The following QSOX1 variants were observed in gnomAD, a reference collection of about 807,000 sequenced individuals.
QSOX1 encodes the protein sulfhydryl oxidase 1.
A neutral mutation model predicts 76.1 loss-of-function variants in QSOX1; 40 were observed. The observed-to-expected ratio is 0.53, with a 90% CI of 0.41 to 0.68. The LOEUF (loss-of-function observed/expected upper bound fraction) is 0.68, where lower values mean the gene tolerates loss of function less well. QSOX1 is among the 30% of genes least tolerant of loss of function. The pLI, the probability that QSOX1 is intolerant of heterozygous loss-of-function variation, is 0.00. For synonymous variants in QSOX1, 392 were observed against 413.1 expected, an observed-to-expected ratio of 0.95 and a Z score of 0.62; for missense variants, 931 against 974.3, an observed-to-expected ratio of 0.96 and a Z score of 0.59.
intron 2 of QSOX1, among the ~76,000 whole-genome samples, chr1:180,170,708 C>T (rs1057360821): frequency 7.2e-5 from 11 of 152,206 alleles, no homozygotes; most frequent in Non-Finnish European, 1.5e-4. Context: ...GCAGGGCACA[C>T]GCCCCAGTGG....
chr1:180,182,879 C>T (rs976373475), intron 6 of QSOX1, among the ~76,000 whole-genome samples: 11 of 152,226 alleles, frequency 7.2e-5, no homozygotes, highest in Non-Finnish European at 1.6e-4. Context: ...CCAGGCCCCG[C>T]AGGCAGGAGC....
Position 180,196,856 on chromosome 1 carries a change from C to A in QSOX1, c.2063C>A (p.Ala688Asp). The A allele has an allele frequency of 6.2e-7, 1 of 1,604,422 alleles. No individual in the cohort carries two copies. The highest frequency in any genetic ancestry group is 8.5e-7 in the Non-Finnish European group (1 of 1,173,838). The change falls in exon 12 of 12, where the codon GCC becomes GAC. Residue 688 changes from alanine (A) to aspartate (D), a missense_variant. Physicochemically the swap from Ala to Asp is moderately radical, Grantham distance 126. Transcript: ENST00000367602. The surrounding 1 kb of genome is among the most constrained non-coding windows in gnomAD (Gnocchi z 4.1). ...LVDIPEGQLE[A>D]RAGRGRGQWL... is the part of the protein sequence containing the mutation. ...GACATCCCTGAGGGCCAGCTGGAGG[C>A]CCGAGCTGGACGGGGCCGAGGCCAG...
In QSOX1 at chr1:180,190,428, C is replaced by T. The variant is rs370853516; in HGVS notation, c.1141-5C>T. On this transcript the variant is annotated splice_region_variant and splice_polypyrimidine_tract_variant and intron_variant, in intron 9 of 11. Transcript: ENST00000367602. ...TATGTGCACTCACACTCATGTGTCC[C>T]TCAGGGTGCCGTTCTTGCCAAGAAG... The T allele has an allele frequency of 1.4e-5, 23 of 1,612,198 alleles. No individual in the cohort carries two copies. Among genetic ancestry groups the T allele is most frequent in the Non-Finnish European group, 2.0e-5 (23 of 1,178,366 alleles).
intron 4 of QSOX1, among the ~76,000 whole-genome samples, chr1:180,177,073 C>G (rs1172996824): frequency 6.6e-6 from 1 of 152,168 alleles, no homozygotes; most frequent in African/African-American, 2.4e-5. Context: ...GACCCTGTCT[C>G]TCCAGAAAAC....
chr1:180,187,240 G>A (rs1241255704), intron 8 of QSOX1, among the ~76,000 whole-genome samples: 1 of 152,216 alleles, frequency 6.6e-6, no homozygotes, highest in East Asian at 1.9e-4. Flanking sequence ...TCAGCCTAAG[G>A]CAGGACAGTC....
At chr1:180,176,164 A>C in intron 4 of QSOX1, 131 bp downstream of exon 4, 1 of 712,016 alleles carries the variant, frequency 1.4e-6, no homozygotes, top group South Asian at 1.8e-5. Context: ...TGGGGCTCAC[A>C]CACCAGTCTG....
intron 2 of QSOX1, among the ~76,000 whole-genome samples, chr1:180,171,211 C>G (rs1236332723): frequency 1.3e-5 from 2 of 152,078 alleles, no homozygotes; most frequent in Admixed American, 1.3e-4. Flanking sequence ...TGCAGTGACC[C>G]AAAAATACGT....
rs543823492 is a variant in QSOX1 at position 180,197,517 on chromosome 1, A to T, written c.*480A>T. On this transcript the variant is annotated 3_prime_UTR_variant, in exon 12 of 12. Coordinates refer to ENST00000367602, the MANE Select transcript of QSOX1 (RefSeq NM_002826.5). ...TTCCGGACAATGAAGAAGCCTTTGC[A>T]CCCTGGGAGGAAGGACCACCCCGGG... The T allele has an allele frequency of 9.8e-7, 1 of 1,022,702 alleles. No homozygotes were observed. The highest frequency in any genetic ancestry group is 1.5e-5 in the South Asian group (1 of 65,908). 63.4% of individuals were successfully genotyped at this position (1,022,702 alleles called of 1,614,324 possible).
intron 7 of QSOX1, among the ~76,000 whole-genome samples, chr1:180,184,271 G>T (rs1663114786): frequency 6.6e-6 from 1 of 152,192 alleles, no homozygotes; most frequent in South Asian, 2.1e-4. Flanking sequence ...TCTGTTGCGG[G>T]GCCGGGGCTG....
At position 180,182,329 on chromosome 1, in the gene QSOX1, C is replaced by T; in HGVS notation, c.752+10C>T. ...TCTCCCGAGTCCCCGTGTGAGTATCCTGTCTCCTGGCGTCCCCTCTCGTCC... is the reference window on the plus strand; with the variant it reads ...TCTCCCGAGTCCCCGTGTGAGTATCTTGTCTCCTGGCGTCCCCTCTCGTCC... On this transcript the variant is annotated intron_variant, in intron 6 of 11. Coordinates refer to ENST00000367602, the MANE Select transcript of QSOX1 (RefSeq NM_002826.5). The T allele has an allele frequency of 6.2e-7, 1 of 1,614,158 alleles. No homozygotes were observed. Among genetic ancestry groups the T allele is most frequent in the South Asian group, 1.1e-5 (1 of 91,072 alleles).
chr1:180,178,846 C>G lies in QSOX1; in HGVS notation c.568C>G (p.Leu190Val), dbSNP rs573609481. ...FARNNEEYLA[L>V]IFEKGGSYLG... Reference sequence around the variant, plus strand: ...GAGAAATAACGAAGAGTACCTGGCTCTGATCTTTGAAAAGGGAGGCTCCTA... The same window carrying G: ...GAGAAATAACGAAGAGTACCTGGCTGTGATCTTTGAAAAGGGAGGCTCCTA... The change falls in exon 5 of 12, where the codon CTG (leucine) becomes GTG (valine). Residue 190 changes from leucine (L) to valine (V), a missense_variant. By Grantham distance (32) the Leu-to-Val change is conservative (BLOSUM62 1). Coordinates refer to ENST00000367602, the MANE Select transcript of QSOX1 (RefSeq NM_002826.5). The G allele has an allele frequency of 6.2e-7, 1 of 1,614,008 alleles. No individual in the cohort carries two copies. The highest frequency in any genetic ancestry group is 8.5e-7 in the Non-Finnish European group (1 of 1,179,884).
chr1:180,188,872 GCA>G lies in QSOX1; in HGVS notation c.1018-667_1018-666del, dbSNP rs113457149. Reference sequence around the variant, plus strand: ...CCTTGTGCTGTGCACGTGCACACACGCACACACACACACATACACACATATGT... The same window carrying G: ...CCTTGTGCTGTGCACGTGCACACACGCACACACACACATACACACATATGT... On this transcript the variant is annotated intron_variant, in intron 8 of 11. Transcript: ENST00000367602. Among the ~76,000 whole-genome samples, 24 of 151,778 alleles carry G rather than the reference GCA, an allele frequency of 1.6e-4. 1 individual carries two copies. The South Asian group carries it at 3.1e-3, about 20-fold the overall frequency.
chr1:180,179,782 G>A (rs1398945038), intron 5 of QSOX1, among the ~76,000 whole-genome samples: 2 of 152,260 alleles, frequency 1.3e-5, no homozygotes, highest in East Asian at 3.8e-4. Flanking sequence ...ACAGCTGAGA[G>A]TCTGAGCTGA....
At chr1:180,175,225 G>T in intron 2 of QSOX1, 96 bp from the exon 3 acceptor site, 2 of 1,093,014 alleles carry the variant, frequency 1.8e-6, no homozygotes, top group South Asian at 1.2e-5. Context: ...CCCAGCCACC[G>T]CATTGAATAA....
At position 180,196,618 on chromosome 1, in the gene QSOX1, C is replaced by T; in HGVS notation, c.1825C>T (p.Leu609=). Reference sequence around the variant, plus strand: ...ACCTGAGGCAAGTCGACCCCCGAAGCTGCACCCTGGCCTCAGAGCTGCACC... The same window carrying T: ...ACCTGAGGCAAGTCGACCCCCGAAGTTGCACCCTGGCCTCAGAGCTGCACC... ...EGPEASRPPK[L]HPGLRAAPGQ... Residue 609 remains leucine, a synonymous_variant, in exon 12 of 12, where the codon CTG becomes TTG. Coordinates refer to ENST00000367602, the MANE Select transcript of QSOX1 (RefSeq NM_002826.5). This position sits in a 1 kb window ranked among gnomAD's most constrained non-coding sequence, Gnocchi z 4.1. 1 of 1,614,224 alleles carries T rather than the reference C, an allele frequency of 6.2e-7. No homozygotes were observed. The highest frequency in any genetic ancestry group is 1.7e-5 in the Admixed American group (1 of 60,032).
chr1:180,191,516 A>T (rs1663312181), intron 10 of QSOX1, among the ~76,000 whole-genome samples: 1 of 152,348 alleles, frequency 6.6e-6, no homozygotes, highest in Middle Eastern at 3.4e-3. Flanking sequence ...GTGTGTATGG[A>T]GCATCTCCAC....
Position 180,155,092 on chromosome 1 carries a change from C to T in QSOX1, c.185C>T (p.Ala62Val), listed in dbSNP as rs1308226650. 2 of 1,523,678 alleles carry T rather than the reference C, an allele frequency of 1.3e-6. No individual in the cohort carries two copies. Among genetic ancestry groups the T allele is most frequent in the Admixed American group, 2.0e-5 (1 of 50,042 alleles). The allele number at this position is 1,523,678 out of a possible 1,614,324, so 94.4% of individuals were successfully genotyped here. Reference sequence around the variant, plus strand: ...GTGCTGGGCTCCCGCAGCGCCTGGGCCGTGGAGTTCTTCGCCTCCTGGTGC... The same window carrying T: ...GTGCTGGGCTCCCGCAGCGCCTGGGTCGTGGAGTTCTTCGCCTCCTGGTGC... Reference protein sequence around the residue: ...GAVLGSRSAWAVEFFASWCGH... With the variant: ...GAVLGSRSAWVVEFFASWCGH... Residue 62 changes from alanine (A) to valine (V), a missense_variant, in exon 1 of 12, where the codon GCC (alanine) becomes GTC (valine). By Grantham distance (64) the Ala-to-Val change is moderately conservative. Coordinates refer to ENST00000367602, the MANE Select transcript of QSOX1 (RefSeq NM_002826.5).
At chr1:180,171,288 C>T (rs980715334) in intron 2 of QSOX1, among the ~76,000 whole-genome samples, 7 of 152,036 alleles carry the variant, frequency 4.6e-5, no homozygotes, top group Non-Finnish European at 8.8e-5. Flanking sequence ...AGAGGTAACA[C>T]GGAGGTCAAA....
At position 180,197,483 on chromosome 1, in the gene QSOX1, C is replaced by A; in HGVS notation, c.*446C>A. 1.5e-6 allele frequency: 2 copies of A among 1,300,536 alleles called. No individual in the cohort carries two copies. The highest frequency in any genetic ancestry group is 2.2e-6 in the Non-Finnish European group (2 of 918,188). 80.6% of individuals were successfully genotyped at this position (1,300,536 alleles called of 1,614,324 possible). On this transcript the variant is annotated 3_prime_UTR_variant, in exon 12 of 12. Transcript: ENST00000367602. ...CACTAGCTGCTGGGGCTCCGCCCAC[C>A]CTGCTCCCTTCCGGACAATGAAGAA...
Sources: allele counts gnomAD v4.1 joint callset (sites outside exome capture counted in the v4.1 genomes callset), GRCh38; gene constraint gnomAD v4.1.1; non-coding constraint Gnocchi (gnomAD v3.1); transcripts MANE v1.5; gene names NCBI Gene and HGNC (gene_info 2026-07-23, HGNC 2026-07-21).